Variants in CDK14 observed in about 807,000 individuals in gnomAD.
CDK14 encodes the protein cyclin-dependent kinase 14.
CDK14 carries 34 observed loss-of-function variants against 60.7 expected under a neutral mutation model. The observed-to-expected ratio is 0.56, with a 90% CI of 0.43 to 0.75. The LOEUF is 0.75. CDK14 is among the 30% of genes least tolerant of loss of function. The pLI, the probability that CDK14 is intolerant of heterozygous loss-of-function variation, is 0.00. For synonymous variants in CDK14, 197 were observed against 203.7 expected, an observed-to-expected ratio of 0.97 and a Z score of 0.28; for missense variants, 482 against 564.1, an observed-to-expected ratio of 0.85 and a Z score of 1.47.
At chr7:90,838,790 G>C (rs943204739) in intron 5 of CDK14, among the ~76,000 whole-genome samples, 1 of 152,272 alleles carries the variant, frequency 6.6e-6, no homozygotes, top group East Asian at 1.9e-4. Context: ...TTCCTGTTAA[G>C]ATGTTTATCA....
At chr7:90,705,310 T>C (rs992232347) in intron 2 of CDK14, among the ~76,000 whole-genome samples, 1 of 151,936 alleles carries the variant, frequency 6.6e-6, no homozygotes. Flanking sequence ...TAAAAAAAAG[T>C]GTTTTCCCTT....
intron 5 of CDK14, among the ~76,000 whole-genome samples, chr7:90,814,578 TCGA>T (rs1385583491): frequency 1.3e-5 from 2 of 152,160 alleles, no homozygotes; most frequent in East Asian, 3.9e-4. Flanking sequence ...GGTCAGGAGT[TCGA>T]GACCAGCCTG....
rs140535839 is a variant in CDK14 at position 90,846,266 on chromosome 7, C to G, written c.545-16909C>G. 1.3e-3 allele frequency among the ~76,000 whole-genome samples: 193 copies of G among 152,266 alleles called. 1 individual carries two copies. The highest frequency in any genetic ancestry group is 4.4e-3 in the African/African-American group (182 of 41,558). On this transcript the variant is annotated intron_variant, in intron 5 of 14. Transcript: ENST00000380050. ...CTGTACTATAAGGTTCCACACTTGG[C>G]TCCATTGGGAGTTCTCTCTCCTATT... is the stretch of plus-strand genomic sequence containing the variant.
chr7:90,987,018 A>G (rs529345769), intron 10 of CDK14, among the ~76,000 whole-genome samples: 2 of 69,106 alleles, frequency 2.9e-5, no homozygotes, highest in East Asian at 9.9e-4. Context: ...TTGTTATATA[A>G]CTGAGATATA....
intron 11 of CDK14, among the ~76,000 whole-genome samples, chr7:91,071,532 G>A (rs988134430): frequency 3.9e-5 from 6 of 152,224 alleles, no homozygotes; most frequent in African/African-American, 9.6e-5. Context: ...TGCAACCCAC[G>A]GATCGGAAGA....
At chr7:91,162,669 C>A (rs1023813165) in intron 14 of CDK14, among the ~76,000 whole-genome samples, 1 of 152,228 alleles carries the variant, frequency 6.6e-6, no homozygotes, top group Non-Finnish European at 1.5e-5. Flanking sequence ...CCTCTCTACA[C>A]TTCTGGTTCC....
chr7:90,819,684 C>G (rs1246167977), intron 5 of CDK14, among the ~76,000 whole-genome samples: 1 of 152,000 alleles, frequency 6.6e-6, no homozygotes, highest in Non-Finnish European at 1.5e-5. Flanking sequence ...TGATAGCTTT[C>G]AGTTTTGTGA....
intron 2 of CDK14, among the ~76,000 whole-genome samples, chr7:90,673,946 C>G (rs1297586995): frequency 6.6e-6 from 1 of 152,160 alleles, no homozygotes; most frequent in African/African-American, 2.4e-5. Context: ...TTTATCACTC[C>G]ATATGTACAC....
intron 6 of CDK14, among the ~76,000 whole-genome samples, chr7:90,888,243 G>A (rs929853426): frequency 7.9e-5 from 12 of 151,992 alleles, no homozygotes; most frequent in Admixed American, 2.0e-4. Context: ...CCAGCTACTC[G>A]AGAGGCTGAG....
intron 5 of CDK14, 123 bp downstream of exon 5, chr7:90,790,775 G>C (rs1805800353): frequency 3.5e-6 from 2 of 567,506 alleles, no homozygotes; most frequent in Non-Finnish European, 6.2e-6. Context: ...TCATTAAAAT[G>C]TGTAAACTGA....
intron 9 of CDK14, among the ~76,000 whole-genome samples, chr7:90,981,232 C>A (rs1187865460): frequency 6.6e-6 from 1 of 152,192 alleles, no homozygotes; most frequent in East Asian, 1.9e-4. Flanking sequence ...GTAGACTTAA[C>A]CAGACATCTG....
chr7:91,124,796 G>A (rs1334620192), intron 14 of CDK14, among the ~76,000 whole-genome samples: 1 of 152,080 alleles, frequency 6.6e-6, no homozygotes, highest in African/African-American at 2.4e-5. Flanking sequence ...CTGTGATGTG[G>A]CTAGTAACCA....
At chr7:90,601,024 A>G (rs916262880) in intron 1 of CDK14, among the ~76,000 whole-genome samples, 2 of 152,250 alleles carry the variant, frequency 1.3e-5, no homozygotes. Context: ...AGATTCTACC[A>G]TGAAGATTAG....
At chr7:91,048,406 G>A (rs188026811) in intron 11 of CDK14, among the ~76,000 whole-genome samples, 62 of 152,258 alleles carry the variant, frequency 4.1e-4, no homozygotes, top group Non-Finnish European at 7.5e-4. Context: ...ACTAATTAGG[G>A]ACAGTTGGGT....
At chr7:91,064,375 C>T (rs1455655153) in intron 11 of CDK14, among the ~76,000 whole-genome samples, 2 of 152,182 alleles carry the variant, frequency 1.3e-5, no homozygotes, top group African/African-American at 4.8e-5. Context: ...CACATCTCTG[C>T]TCTGTCACTT....
At chr7:90,993,621 G>A (rs1332584147) in intron 10 of CDK14, among the ~76,000 whole-genome samples, 4 of 152,246 alleles carry the variant, frequency 2.6e-5, no homozygotes, top group African/African-American at 9.6e-5. Context: ...AAAGGGAGTG[G>A]GGTATGGCTG....
chr7:90,943,292 A>G (rs987184458), intron 8 of CDK14, among the ~76,000 whole-genome samples: 6 of 152,202 alleles, frequency 3.9e-5, no homozygotes, highest in Admixed American at 3.3e-4. Flanking sequence ...AAATTGAGAC[A>G]ATCATAAGAA....
intron 10 of CDK14, among the ~76,000 whole-genome samples, chr7:91,027,947 A>G (rs73230809): frequency 0.042 from 2,055 of 48,402 alleles, 81 homozygotes; most frequent in Non-Finnish European, 0.05. Flanking sequence ...CCTCCGCTCC[A>G]CTCCCCTCCG....
intron 8 of CDK14, among the ~76,000 whole-genome samples, chr7:90,951,812 A>G (rs1219899231): frequency 6.6e-6 from 1 of 152,138 alleles, no homozygotes; most frequent in Non-Finnish European, 1.5e-5. Flanking sequence ...TTCTGGCTGG[A>G]GTTATATTGA....
Sources: allele counts gnomAD v4.1 joint callset (sites outside exome capture counted in the v4.1 genomes callset), GRCh38; gene constraint gnomAD v4.1.1; transcripts MANE v1.5; gene names NCBI Gene and HGNC (gene_info 2026-07-23, HGNC 2026-07-21).